Variants in CDO1 observed in about 807,000 individuals in gnomAD.
CDO1 encodes cysteine dioxygenase, type I.
In CDO1, 19 loss-of-function variants were observed where a neutral mutation model predicts 24.5. The ratio of observed to expected loss-of-function variants is 0.77; its 90% confidence interval spans 0.54 to 1.14. The LOEUF is 1.14. Ranked by LOEUF, CDO1 falls within the 50% of genes most tolerant of loss-of-function variation. The pLI is 0.00. For missense variants in CDO1, 244 were observed against 244.8 expected, an observed-to-expected ratio of 1.00 and a Z score of 0.02; for synonymous variants, 91 against 87.0, an observed-to-expected ratio of 1.05 and a Z score of -0.26.
intron 2 of CDO1, among the ~76,000 whole-genome samples, chr5:115,812,097 C>T (rs1292645456): frequency 2.0e-5 from 3 of 151,954 alleles, no homozygotes; most frequent in Non-Finnish European, 4.4e-5. Context: ...TATATATGTA[C>T]CATAAAAAGA....
At chr5:115,806,544 T>A (rs1425399388) in intron 3 of CDO1, 26 bp from the exon 4 acceptor site, 1 of 1,579,142 alleles carries the variant, frequency 6.3e-7, no homozygotes, top group East Asian at 2.3e-5. Flanking sequence ...GAAGGAAAAA[T>A]AGATAAAGGA....
At chr5:115,808,968 C>T (rs983683685) in intron 3 of CDO1, among the ~76,000 whole-genome samples, 13 of 152,082 alleles carry the variant, frequency 8.5e-5, no homozygotes, top group Non-Finnish European at 1.5e-4. Flanking sequence ...AGGTAATTAG[C>T]GATGCTATCT....
intron 3 of CDO1, among the ~76,000 whole-genome samples, chr5:115,809,880 G>A (rs1034398027): frequency 6.6e-6 from 1 of 152,152 alleles, no homozygotes; most frequent in African/African-American, 2.4e-5. Flanking sequence ...GGTGGCCACT[G>A]CTGTCACCTT....
intron 1 of CDO1, among the ~76,000 whole-genome samples, chr5:115,815,330 T>TCC (rs1440059993): frequency 1.3e-5 from 2 of 152,132 alleles, no homozygotes; most frequent in East Asian, 3.9e-4. Flanking sequence ...GGTAGAGAGA[T>TCC]TCGACTTAAT....
rs1422360103 is a variant in CDO1, at chr5:115,816,404, G to A, written c.-7C>T. 12 of 1,611,752 alleles carry A rather than the reference G, an allele frequency of 7.4e-6. No homozygotes were observed. Among genetic ancestry groups the A allele is most frequent in the South Asian group, 1.1e-5 (1 of 91,048 alleles). On this transcript the variant is annotated 5_prime_UTR_variant, in exon 1 of 5. Transcript: ENST00000250535. ...GCACTTCGGTCTGTTCCATCTCGTG[G>A]GGAGCTGGCTGCGCGCGCGTCTCAC...
intron 3 of CDO1, among the ~76,000 whole-genome samples, chr5:115,807,297 A>T (rs569959756): frequency 6.6e-6 from 1 of 152,336 alleles, no homozygotes; most frequent in Non-Finnish European, 1.5e-5. Context: ...GAAGTTCCTG[A>T]AGAAAAAGTC....
intron 3 of CDO1, among the ~76,000 whole-genome samples, chr5:115,808,717 AC>A (rs1760058639): frequency 6.8e-6 from 1 of 146,994 alleles, no homozygotes; most frequent in Non-Finnish European, 1.5e-5. Flanking sequence ...AAACACACAC[AC>A]ACACAAAAAC....
Position 115,816,592 on chromosome 5 carries a change from C to T in CDO1, c.-195G>A, listed in dbSNP as rs1760465395. ...GACAGCAAGAGACCCACCCCCAGGC[C>T]CCTGGCAGCGCAGTGGATCCGGGAT... On this transcript the variant is annotated 5_prime_UTR_variant, in exon 1 of 5. Transcript: ENST00000250535. 1.6e-6 allele frequency: 1 copy of T among 607,320 alleles called. No homozygotes were observed. Among genetic ancestry groups the T allele is most frequent in the African/African-American group, 1.9e-5 (1 of 53,994 alleles). The allele number at this position is 607,320 out of a possible 1,614,324, so 37.6% of individuals were successfully genotyped here.
At chr5:115,816,164 C>G in intron 1 of CDO1, 64 bp downstream of exon 1, 1 of 1,528,278 alleles carries the variant, frequency 6.5e-7, no homozygotes, top group African/African-American at 1.4e-5. Context: ...GCGTCCCCCA[C>G]GTCCATTCCT....
intron 3 of CDO1, among the ~76,000 whole-genome samples, chr5:115,807,687 A>AG (rs1760007379): frequency 1.3e-5 from 2 of 152,082 alleles, no homozygotes. Context: ...GAAAAAAAAA[A>AG]AAGAGGAACA....
At chr5:115,816,158 C>A in intron 1 of CDO1, 70 bp downstream of exon 1, 1 of 1,465,374 alleles carries the variant, frequency 6.8e-7, no homozygotes, top group African/African-American at 1.4e-5. Context: ...TGGGCTGCGT[C>A]CCCCACGTCC....
chr5:115,813,589 T>G (rs1760293517), intron 1 of CDO1, among the ~76,000 whole-genome samples: 1 of 150,874 alleles, frequency 6.6e-6, no homozygotes, highest in Non-Finnish European at 1.5e-5. Flanking sequence ...ATTTCCAAAG[T>G]GCATTACTGG....
chr5:115,816,089 G>GGC, intron 1 of CDO1, 139 bp downstream of exon 1: 1 of 799,318 alleles, frequency 1.3e-6, no homozygotes, highest in Non-Finnish European at 1.9e-6. Context: ...CCCGCGGCTG[G>GGC]CCAGCGAGGG....
chr5:115,816,280 A>G lies in CDO1; in HGVS notation c.118T>C (p.Tyr40His), dbSNP rs143663963. 12 of 1,613,960 alleles carry G rather than the reference A, an allele frequency of 7.4e-6. No individual in the cohort carries two copies. In the African/African-American group the frequency reaches 1.5e-4, roughly 20 times the overall value. Reference protein sequence around the residue: ...VEEVQAIMEAYESDPTEWAMY... With the variant: ...VEEVQAIMEAHESDPTEWAMY... The stretch of plus-strand genomic sequence containing the variant: ...GCCCACTCGGTGGGGTCGCTCTCGT[A>G]GGCTTCCATGATGGCCTGCACCTCC... The change falls in exon 1 of 5, where the codon TAC becomes CAC. Residue 40 changes from tyrosine to histidine, a missense_variant. Coordinates refer to ENST00000250535, the MANE Select transcript of CDO1 (RefSeq NM_001801.3).
rs1759895516 is a variant in CDO1, at chr5:115,805,352, T to C, written c.*81A>G. 1 of 1,169,882 alleles carries C rather than the reference T, an allele frequency of 8.5e-7. No homozygotes were observed. The highest frequency in any genetic ancestry group is 1.6e-5 in the African/African-American group (1 of 64,162). 72.5% of individuals were successfully genotyped at this position (1,169,882 alleles called of 1,614,324 possible). A position where few individuals can be genotyped will look rare whatever the true frequency, so the allele number is the denominator to read the frequency against. The stretch of plus-strand genomic sequence containing the variant: ...TGGCTTATTTAAGTATATTACTGGA[T>C]AGCACGTGGTAGGTAGCCTTTTTGT... On this transcript the variant is annotated 3_prime_UTR_variant, in exon 5 of 5. Transcript: ENST00000250535.
At position 115,813,236 on chromosome 5, in the gene CDO1, G is replaced by C; in HGVS notation, c.193C>G (p.Gln65Glu). ...QYRYTRNLVD[Q>E]GNGKFNLMIL... is the part of the protein sequence containing the mutation. Reference sequence around the variant, plus strand: ...ATCAGATTAAATTTTCCATTTCCTTGATCCACAAGATTTCGGGTATACCTA... The same window carrying C: ...ATCAGATTAAATTTTCCATTTCCTTCATCCACAAGATTTCGGGTATACCTA... The change falls in exon 2 of 5, where the codon CAA (glutamine) becomes GAA (glutamate). Residue 65 changes from glutamine (Q) to glutamate (E), a missense_variant. Physicochemically the swap from Gln to Glu is conservative, Grantham distance 29. Transcript: ENST00000250535. 6.3e-7 allele frequency: 1 copy of C among 1,597,124 alleles called. No individual in the cohort carries two copies. The highest frequency in any genetic ancestry group is 1.1e-5 in the South Asian group (1 of 90,588).
At chr5:115,813,492 C>A (rs535286000) in intron 1 of CDO1, among the ~76,000 whole-genome samples, 2 of 151,896 alleles carry the variant, frequency 1.3e-5, no homozygotes, top group East Asian at 1.9e-4. Context: ...ATTAATGGCA[C>A]GGGAAAAATA....
rs140378688 is a variant in CDO1, at chr5:115,813,202, C to T, written c.227G>A (p.Cys76Tyr). Residue 76 changes from cysteine (C) to tyrosine (Y), a missense_variant, in exon 2 of 5, where the codon TGT becomes TAT. Coordinates refer to ENST00000250535, the MANE Select transcript of CDO1 (RefSeq NM_001801.3). ...GNGKFNLMILCWGEGHGSSIH... is the reference protein window; with the variant it reads ...GNGKFNLMILYWGEGHGSSIH... Reference sequence around the variant, plus strand: ...TTACCTGCCATGTCCTTCACCCCAACAGAGAATCATCAGATTAAATTTTCC... The same window carrying T: ...TTACCTGCCATGTCCTTCACCCCAATAGAGAATCATCAGATTAAATTTTCC... The T allele has an allele frequency of 5.0e-6, 8 of 1,598,402 alleles. No homozygotes were observed. In the African/African-American group the frequency reaches 1.1e-4, roughly 21 times the overall value.
rs151187941 is a variant in CDO1 at position 115,805,218 on chromosome 5, A to G, written c.*215T>C. 9.3e-4 allele frequency: 456 copies of G among 490,864 alleles called. 2 individuals are homozygous for G. The highest frequency in any genetic ancestry group is 8.0e-3 in the African/African-American group (402 of 50,150). 30.4% of individuals were successfully genotyped at this position (490,864 alleles called of 1,614,324 possible). ...ACTTGAAAACTTGCCTTTAAAAATC[A>G]CAAGACTTTCTTTTCCTCAGTGGGA... On this transcript the variant is annotated 3_prime_UTR_variant, in exon 5 of 5. Coordinates refer to ENST00000250535, the MANE Select transcript of CDO1 (RefSeq NM_001801.3).
Sources: gnomAD v4.1 joint callset for allele counts (sites outside exome capture counted in the v4.1 genomes callset) on GRCh38, gnomAD v4.1.1 for gene constraint, MANE v1.5 for transcripts, NCBI Gene and HGNC (gene_info 2026-07-23, HGNC 2026-07-21) for gene names.